Variants in CDH23 observed in about 807,000 individuals in gnomAD.
CDH23 encodes cadherin-23.
Under a neutral mutation model 317.1 loss-of-function variants are expected in CDH23, and 189 were observed. The ratio of observed to expected loss-of-function variants is 0.60; its 90% confidence interval spans 0.53 to 0.67. CDH23 has a LOEUF of 0.67. CDH23 is among the 30% of genes least tolerant of loss of function. The probability of loss-of-function intolerance (pLI) is 0.00; values close to 1 mark genes in which losing one functional copy is unlikely to be tolerated. For missense variants in CDH23, 4,401 were observed against 4,592.4 expected (o/e 0.96, Z 1.20); for synonymous variants, 1,839 against 1,876.8 (o/e 0.98, Z 0.52).
intron 1 of CDH23, among the ~76,000 whole-genome samples, chr10:71,439,393 G>A (rs949687216): frequency 6.6e-6 from 1 of 152,164 alleles, no homozygotes; most frequent in African/African-American, 2.4e-5. Flanking sequence ...CTGTCTTCCC[G>A]GTCAGTGCCC....
chr10:71,521,957 T>A (rs750715098), intron 6 of CDH23, among the ~76,000 whole-genome samples: 16 of 152,152 alleles, frequency 1.1e-4, no homozygotes, highest in Non-Finnish European at 1.5e-4. Context: ...CAAGTGCAGC[T>A]CAACCCTGAG....
chr10:71,636,268 C>G (rs1047582822), intron 11 of CDH23, among the ~76,000 whole-genome samples: 10 of 152,052 alleles, frequency 6.6e-5, no homozygotes, highest in African/African-American at 2.4e-4. Flanking sequence ...ACCTGTAATC[C>G]CAGCACTTTG....
intron 52 of CDH23, among the ~76,000 whole-genome samples, chr10:71,800,256 C>T (rs576282384): frequency 5.9e-5 from 9 of 152,326 alleles, no homozygotes; most frequent in African/African-American, 2.2e-4. Context: ...TGGACTTTGC[C>T]TCCCACTGCC....
intron 1 of CDH23, among the ~76,000 whole-genome samples, chr10:71,408,811 G>T (rs1018517757): frequency 6.6e-6 from 1 of 152,218 alleles, no homozygotes; most frequent in Admixed American, 6.5e-5. Context: ...GGGCAGAGGG[G>T]AATGGGAAAG....
intron 3 of CDH23, among the ~76,000 whole-genome samples, chr10:71,496,026 C>T (rs1852944993): frequency 6.6e-6 from 1 of 152,156 alleles, no homozygotes; most frequent in African/African-American, 2.4e-5. Flanking sequence ...TAATAGCTCT[C>T]TTGGTAGTTC....
At chr10:71,452,652 C>A in intron 3 of CDH23, among the ~76,000 whole-genome samples, 1 of 152,266 alleles carries the variant, frequency 6.6e-6, no homozygotes, top group East Asian at 1.9e-4. Flanking sequence ...CACACTCTAG[C>A]GTGGCTATTT....
intron 3 of CDH23, among the ~76,000 whole-genome samples, chr10:71,495,585 C>A (rs1004201361): frequency 6.6e-6 from 1 of 151,868 alleles, no homozygotes; most frequent in Non-Finnish European, 1.5e-5. Context: ...GTAATCCCAG[C>A]ACTTTGGGAG....
intron 2 of CDH23, among the ~76,000 whole-genome samples, chr10:71,444,498 A>G (rs866823944): frequency 7.9e-5 from 12 of 152,204 alleles, no homozygotes; most frequent in African/African-American, 9.7e-5. Context: ...GCTTCCTGGA[A>G]GAAGGGCCAA....
At chr10:71,711,041 C>A (rs1221980984) in intron 27 of CDH23, among the ~76,000 whole-genome samples, 1 of 152,174 alleles carries the variant, frequency 6.6e-6, no homozygotes, top group South Asian at 2.1e-4. Context: ...GGAATGAATT[C>A]TCTGGGCCTC....
rs1564733801 is a variant in CDH23, at chr10:71,689,017, T to TCAAGTGCCGTGGACC, written c.2059+1300_2059+1301insAGTGCCGTGGACCCA. On this transcript the variant is annotated intron_variant, in intron 19 of 69. Coordinates refer to ENST00000224721, the MANE Select transcript of CDH23 (RefSeq NM_022124.6). ...GATGGTGGAGCCAGGGGTGGTGGAG[T>TCAAGTGCCGTGGACC]CAGGGGTGGTGGAGTCAGGGGTGGT... Among the ~76,000 whole-genome samples the TCAAGTGCCGTGGACC allele has an allele frequency of 1.0e-3, 9 of 8,732 alleles. 2 individuals carry two copies. Among genetic ancestry groups the TCAAGTGCCGTGGACC allele is most frequent in the Admixed American group, 1.2e-3 (1 of 864 alleles). The allele number at this position is 8,732 out of a possible 152,430, so 5.7% of individuals were successfully genotyped here. A position where few individuals can be genotyped will look rare whatever the true frequency, so the allele number is the denominator to read the frequency against.
intron 24 of CDH23, among the ~76,000 whole-genome samples, chr10:71,703,912 A>G (rs530362394): frequency 1.3e-5 from 2 of 152,340 alleles, no homozygotes; most frequent in South Asian, 2.1e-4. Context: ...TTCTGAGTTC[A>G]TAGAGGAAGG....
chr10:71,704,443 C>T (rs1865702983), intron 24 of CDH23, among the ~76,000 whole-genome samples: 1 of 152,018 alleles, frequency 6.6e-6, no homozygotes, highest in Admixed American at 6.6e-5. Context: ...AAAAAGAACC[C>T]TTGATGTAAT....
chr10:71,492,684 A>G (rs1353051901), intron 3 of CDH23, among the ~76,000 whole-genome samples: 1 of 152,210 alleles, frequency 6.6e-6, no homozygotes, highest in Non-Finnish European at 1.5e-5. Flanking sequence ...TGTCTGTGCC[A>G]GGCACTCCTC....
chr10:71,731,081 G>A (rs940362082), intron 31 of CDH23, among the ~76,000 whole-genome samples: 1 of 152,234 alleles, frequency 6.6e-6, no homozygotes, highest in African/African-American at 2.4e-5. Context: ...TAGCCTGAAG[G>A]CAGCCTGAAC....
At chr10:71,600,514 CTT>C (rs538778849) in intron 9 of CDH23, among the ~76,000 whole-genome samples, 35 of 125,190 alleles carry the variant, frequency 2.8e-4, no homozygotes, top group East Asian at 9.5e-4. Flanking sequence ...GACCGCAGAA[CTT>C]TTTTTTTTTT....
At chr10:71,698,736 T>C (rs1865482299) in intron 22 of CDH23, among the ~76,000 whole-genome samples, 1 of 152,200 alleles carries the variant, frequency 6.6e-6, no homozygotes, top group Non-Finnish European at 1.5e-5. Flanking sequence ...CTGTCTAAAG[T>C]AGCTCTGACC....
Position 71,510,941 on chromosome 10 carries a change from A to T in CDH23, c.289-13A>T. 6.2e-7 allele frequency: 1 copy of T among 1,613,410 alleles called. No homozygotes were observed. Among genetic ancestry groups the T allele is most frequent in the Admixed American group, 1.7e-5 (1 of 59,986 alleles). On this transcript the variant is annotated splice_polypyrimidine_tract_variant and intron_variant, in intron 4 of 69. Transcript: ENST00000224721. ...GCCTAACTGCCCCCCTCCCTCTCTC[A>T]CTTTTCTTTCAGACCAAGTCAGAGT...
chr10:71,775,097 G>A (rs565178002), intron 38 of CDH23, among the ~76,000 whole-genome samples: 1 of 152,322 alleles, frequency 6.6e-6, no homozygotes, highest in South Asian at 2.1e-4. Flanking sequence ...TCCTGGCCTT[G>A]TGACCCCACC....
At chr10:71,492,106 T>C (rs79857350) in intron 3 of CDH23, among the ~76,000 whole-genome samples, 2,723 of 152,242 alleles carry the variant, frequency 0.018, 65 homozygotes, top group African/African-American at 0.055. Context: ...TTACTCGATG[T>C]TCAGGAACAG....
Sources: gnomAD v4.1 joint callset for allele counts (sites outside exome capture counted in the v4.1 genomes callset) on GRCh38, gnomAD v4.1.1 for gene constraint, MANE v1.5 for transcripts, NCBI Gene and HGNC (gene_info 2026-07-23, HGNC 2026-07-21) for gene names.